The following TRABD2B variants were observed in gnomAD, a reference collection of about 807,000 sequenced individuals.
TRABD2B encodes the protein metalloprotease TIKI2.
Under a neutral mutation model 40.1 loss-of-function variants are expected in TRABD2B, and 14 were observed. The ratio of observed to expected loss-of-function variants is 0.35; its 90% CI spans 0.23 to 0.55. The LOEUF (loss-of-function observed/expected upper bound fraction) is 0.55. Ranked by LOEUF, TRABD2B falls within the 20% of genes least tolerant of loss-of-function variation. The pLI, the probability that TRABD2B is intolerant of heterozygous loss-of-function variation, is 0.90. For synonymous variants in TRABD2B, 263 were observed against 277.0 expected, an observed-to-expected ratio of 0.95 and a Z score of 0.50; for missense variants, 541 against 648.6, an observed-to-expected ratio of 0.83 and a Z score of 1.80.
At chr1:47,832,110 A>G (rs1434945812) in intron 2 of TRABD2B, among the ~76,000 whole-genome samples, 1 of 152,176 alleles carries the variant, frequency 6.6e-6, no homozygotes, top group Non-Finnish European at 1.5e-5. Context: ...AGGCGCGCGG[A>G]TCACGAGGTC....
At chr1:47,923,255 G>A (rs1570295010) in intron 2 of TRABD2B, among the ~76,000 whole-genome samples, 1 of 152,200 alleles carries the variant, frequency 6.6e-6, no homozygotes, top group East Asian at 1.9e-4. Flanking sequence ...CTCCTTCTCT[G>A]AGGGATTCAT....
In TRABD2B at chr1:47,807,437, A is replaced by G. The variant is rs367883244; in HGVS notation, c.667-5818T>C. Among the ~76,000 whole-genome samples, 37 of 152,326 alleles carry G rather than the reference A, an allele frequency of 2.4e-4. No homozygotes were observed. In the East Asian group the frequency reaches 5.4e-3, roughly 22 times the overall value. On this transcript the variant is annotated intron_variant, in intron 2 of 6. Coordinates refer to ENST00000606738, the MANE Select transcript of TRABD2B (RefSeq NM_001194986.2). ...TACTAATGGCCCAGACCATTCAACA[A>G]TGAAGGCTTGGGTCATGCCGCCAGG...
At chr1:47,794,484 T>C in intron 4 of TRABD2B, 102 bp downstream of exon 4, 9 of 1,331,850 alleles carry the variant, frequency 6.8e-6, no homozygotes, top group Non-Finnish European at 8.9e-6. Context: ...TCCTGCCCCA[T>C]CCTGGGCCTC....
chr1:47,927,655 T>G (rs1219929480), intron 2 of TRABD2B, among the ~76,000 whole-genome samples: 1 of 152,156 alleles, frequency 6.6e-6, no homozygotes, highest in Admixed American at 6.5e-5. Context: ...ATGGGGGCCA[T>G]CCATTATGGG....
At chr1:47,932,801 A>G (rs748564530) in intron 2 of TRABD2B, among the ~76,000 whole-genome samples, 12 of 152,168 alleles carry the variant, frequency 7.9e-5, no homozygotes, top group Admixed American at 2.6e-4. Context: ...TCATCTGAAC[A>G]TGGGGATTAA....
intron 2 of TRABD2B, among the ~76,000 whole-genome samples, chr1:47,951,926 T>C (rs1645350566): frequency 6.6e-6 from 1 of 152,206 alleles, no homozygotes; most frequent in Non-Finnish European, 1.5e-5. Context: ...CCTTTTTTTC[T>C]AGATGGTCAA....
chr1:47,843,563 T>G (rs1408696675), intron 2 of TRABD2B, among the ~76,000 whole-genome samples: 2 of 151,938 alleles, frequency 1.3e-5, no homozygotes, highest in Non-Finnish European at 2.9e-5. Context: ...AGGAAGGAAG[T>G]CCAGGATGGA....
At chr1:47,909,350 C>T (rs956128532) in intron 2 of TRABD2B, among the ~76,000 whole-genome samples, 4 of 151,326 alleles carry the variant, frequency 2.6e-5, no homozygotes, top group South Asian at 4.2e-4. Context: ...CCACTCCTGG[C>T]GGAAGGAGAA....
intron 2 of TRABD2B, among the ~76,000 whole-genome samples, chr1:47,866,988 G>A (rs1334261983): frequency 6.6e-6 from 1 of 152,132 alleles, no homozygotes; most frequent in East Asian, 1.9e-4. Flanking sequence ...CTGGTAGGAG[G>A]AGGCCGCCCT....
intron 2 of TRABD2B, among the ~76,000 whole-genome samples, chr1:47,901,767 G>A (rs1497096): frequency 0.95 from 144,271 of 152,254 alleles, 68,678 homozygotes; most frequent in Non-Finnish European, 0.99. Context: ...GTGTCCTCAA[G>A]GAAGCCCAGG....
chr1:47,920,585 G>C (rs964777010), intron 2 of TRABD2B, among the ~76,000 whole-genome samples: 2 of 152,224 alleles, frequency 1.3e-5, no homozygotes, highest in African/African-American at 4.8e-5. Flanking sequence ...TCTGAAGTGG[G>C]GAAACCTTGG....
intron 4 of TRABD2B, among the ~76,000 whole-genome samples, chr1:47,787,296 T>C (rs2124164511): frequency 6.6e-6 from 1 of 152,272 alleles, no homozygotes; most frequent in East Asian, 1.9e-4. Context: ...GTTAGACATG[T>C]GTGGAAACGC....
At chr1:47,958,774 C>T (rs1376423656) in intron 2 of TRABD2B, among the ~76,000 whole-genome samples, 1 of 152,162 alleles carries the variant, frequency 6.6e-6, no homozygotes, top group Admixed American at 6.5e-5. Context: ...GAGACTTTAA[C>T]ACCACACTGT....
intron 4 of TRABD2B, among the ~76,000 whole-genome samples, chr1:47,788,199 C>A (rs1644622863): frequency 6.6e-6 from 1 of 152,144 alleles, no homozygotes; most frequent in African/African-American, 2.4e-5. Flanking sequence ...TTTTTTCAAG[C>A]AGGATGGTGT....
intron 2 of TRABD2B, among the ~76,000 whole-genome samples, chr1:47,825,231 T>G (rs1645159632): frequency 6.6e-6 from 1 of 152,138 alleles, no homozygotes; most frequent in African/African-American, 2.4e-5. Context: ...AGAGTCAGGC[T>G]CAGAGAAAGA....
At chr1:47,872,792 TG>T (rs1644163711) in intron 2 of TRABD2B, among the ~76,000 whole-genome samples, 1 of 150,828 alleles carries the variant, frequency 6.6e-6, no homozygotes, top group African/African-American at 2.4e-5. Context: ...GTCCAGGGAG[TG>T]GGGGGAAGGC....
chr1:47,916,921 C>T (rs2124722709), intron 2 of TRABD2B, among the ~76,000 whole-genome samples: 1 of 152,354 alleles, frequency 6.6e-6, no homozygotes, highest in South Asian at 2.1e-4. Flanking sequence ...CAGGCACTAG[C>T]CAAAGCACTG....
At chr1:47,791,128 G>A (rs1202664369) in intron 4 of TRABD2B, among the ~76,000 whole-genome samples, 1 of 152,234 alleles carries the variant, frequency 6.6e-6, no homozygotes, top group East Asian at 1.9e-4. Context: ...GGCTCTCAGG[G>A]CAGGATTCTG....
Position 47,929,985 on chromosome 1 carries a change from C to G in TRABD2B, c.666+64049G>C, listed in dbSNP as rs138202081. ...GGTTACGTGCATACCTGGCTCCCTA[C>G]TTCTCCCACCTCCCTGCTCCACATA... On this transcript the variant is annotated intron_variant, in intron 2 of 6. Coordinates refer to ENST00000606738, the MANE Select transcript of TRABD2B (RefSeq NM_001194986.2). Among the ~76,000 whole-genome samples, 52 of 152,342 alleles carry G rather than the reference C, an allele frequency of 3.4e-4. 1 individual carries two copies. The highest frequency in any genetic ancestry group is 2.9e-3 in the East Asian group (15 of 5,186).
Sources: allele counts gnomAD v4.1 joint callset (sites outside exome capture counted in the v4.1 genomes callset), GRCh38; gene constraint gnomAD v4.1.1; transcripts MANE v1.5; gene names NCBI Gene and HGNC (gene_info 2026-07-23, HGNC 2026-07-21).